The following ZNF385D variants were observed in gnomAD, a reference collection of about 807,000 sequenced individuals.
ZNF385D encodes the protein zinc finger protein 385D.
In ZNF385D, 15 loss-of-function variants were observed where a neutral mutation model predicts 35.8. That is an observed-to-expected ratio of 0.42 (90% CI 0.28 to 0.64). ZNF385D has a LOEUF of 0.64. ZNF385D is among the 30% of genes least tolerant of loss of function. The pLI is 0.23. For missense variants in ZNF385D, 474 were observed against 494.6 expected (o/e 0.96, Z 0.39); for synonymous variants, 212 against 186.8 (o/e 1.13, Z -1.10).
intron 2 of ZNF385D, among the ~76,000 whole-genome samples, chr3:21,583,225 A>G (rs953398138): frequency 6.6e-6 from 1 of 152,178 alleles, no homozygotes; most frequent in African/African-American, 2.4e-5. Context: ...CACTCTTTTC[A>G]TGGCCCAAAG....
intron 3 of ZNF385D, among the ~76,000 whole-genome samples, chr3:22,143,343 C>A (rs991038641): frequency 6.6e-6 from 1 of 152,048 alleles, no homozygotes; most frequent in Non-Finnish European, 1.5e-5. Flanking sequence ...CTCGGCCTCC[C>A]AAAGCGCTAG....
At chr3:21,755,260 A>G (rs59511233), upstream of ZNF385D, among the ~76,000 whole-genome samples, 17,141 of 152,158 alleles carry the variant, frequency 0.11, 1,398 homozygotes, top group East Asian at 0.41. Flanking sequence ...CCCATGTCCA[A>G]TTCATTCTCC....
At chr3:22,269,800 C>T (rs1439474190) in intron 2 of ZNF385D, among the ~76,000 whole-genome samples, 1 of 151,692 alleles carries the variant, frequency 6.6e-6, no homozygotes, top group Non-Finnish European at 1.5e-5. Context: ...TTCTTTAATC[C>T]TCTGCTTGTC....
At chr3:21,430,885 C>T (rs1480965931) in intron 5 of ZNF385D, among the ~76,000 whole-genome samples, 1 of 152,128 alleles carries the variant, frequency 6.6e-6, no homozygotes, top group Non-Finnish European at 1.5e-5. Context: ...ATAATTGCAA[C>T]ATAATGCTGT....
At chr3:22,177,859 T>G (rs1226373411) in intron 2 of ZNF385D, among the ~76,000 whole-genome samples, 1 of 152,186 alleles carries the variant, frequency 6.6e-6, no homozygotes, top group African/African-American at 2.4e-5. Context: ...TTGTGATAGT[T>G]TGCTGAGAAT....
chr3:22,172,994 T>A (rs545993620), intron 2 of ZNF385D, among the ~76,000 whole-genome samples: 1 of 152,338 alleles, frequency 6.6e-6, no homozygotes, highest in East Asian at 1.9e-4. Context: ...TTCAGCCACA[T>A]CAAGTTTCAC....
chr3:22,181,909 T>C (rs1695306398), intron 2 of ZNF385D, among the ~76,000 whole-genome samples: 1 of 152,168 alleles, frequency 6.6e-6, no homozygotes, highest in Admixed American at 6.5e-5. Context: ...AAGAGGATCA[T>C]GTGGCAAGGA....
At chr3:22,111,223 G>A (rs1384224469) in intron 3 of ZNF385D, among the ~76,000 whole-genome samples, 1 of 129,290 alleles carries the variant, frequency 7.7e-6, no homozygotes, top group Non-Finnish European at 1.6e-5. Context: ...TCCAAATTTG[G>A]AAAGCATCTA....
intron 3 of ZNF385D, among the ~76,000 whole-genome samples, chr3:21,555,046 T>G (rs1343447459): frequency 6.6e-6 from 1 of 152,162 alleles, no homozygotes; most frequent in East Asian, 1.9e-4. Context: ...TCAAGAACTT[T>G]TATTTTACAG....
chr3:21,511,702 C>T (rs772108815), intron 3 of ZNF385D: 1 of 456,540 alleles, frequency 2.2e-6, no homozygotes, highest in South Asian at 1.5e-5. Flanking sequence ...TGTTGGGAGG[C>T]TCCAGTGTGT....
intron 3 of ZNF385D, among the ~76,000 whole-genome samples, chr3:22,065,954 G>A (rs1343234990): frequency 1.3e-5 from 2 of 152,000 alleles, no homozygotes; most frequent in Non-Finnish European, 2.9e-5. Flanking sequence ...CAGTATCTGA[G>A]GCTCAGTTTT....
At chr3:21,863,823 T>G (rs1697185996) in intron 3 of ZNF385D, among the ~76,000 whole-genome samples, 2 of 152,170 alleles carry the variant, frequency 1.3e-5, no homozygotes. Context: ...TATCTGTGCA[T>G]GCAGAGGGAA....
intron 4 of ZNF385D, among the ~76,000 whole-genome samples, chr3:21,452,111 T>C (rs1220151264): frequency 6.6e-6 from 1 of 152,090 alleles, no homozygotes; most frequent in African/African-American, 2.4e-5. Context: ...CAGTTTTGTG[T>C]AGCAATATCA....
At chr3:22,164,782 G>A (rs145832589) in intron 3 of ZNF385D, among the ~76,000 whole-genome samples, 1 of 152,052 alleles carries the variant, frequency 6.6e-6, no homozygotes, top group African/African-American at 2.4e-5. Context: ...GCTGTGTTAT[G>A]GGAAACAAAG....
intron 3 of ZNF385D, among the ~76,000 whole-genome samples, chr3:22,072,637 G>C (rs1305259418): frequency 6.6e-6 from 1 of 151,776 alleles, no homozygotes; most frequent in Non-Finnish European, 1.5e-5. Flanking sequence ...TCAAAGGAAA[G>C]AATGCTAGAT....
rs774218666 is a variant in ZNF385D, at chr3:21,412,830, CTG to C, written c.*8382_*8383del. ...AGTACAGGACCACAGACAAGATAAA[CTG>C]TGCTATATTTTACATTTCTGAGTCA... On this transcript the variant is annotated 3_prime_UTR_variant, in exon 8 of 8. Transcript: ENST00000281523. 2 of 151,984 alleles carry C rather than the reference CTG, an allele frequency of 1.3e-5. No homozygotes were observed. Among genetic ancestry groups the C allele is most frequent in the African/African-American group, 2.4e-5 (1 of 41,390 alleles). 9.4% of individuals were successfully genotyped at this position (151,984 alleles called of 1,614,324 possible). A position where few individuals can be genotyped will look rare whatever the true frequency, so the allele number is the denominator to read the frequency against.
At chr3:22,072,767 G>A (rs75274028) in intron 3 of ZNF385D, among the ~76,000 whole-genome samples, 9,713 of 151,854 alleles carry the variant, frequency 0.064, 410 homozygotes, top group East Asian at 0.11. Flanking sequence ...TGAAGGTTGG[G>A]AGAAGGAAGG....
In ZNF385D at chr3:21,718,487, G is replaced by A. The variant is rs551974916; in HGVS notation, c.22+32408C>T. On this transcript the variant is annotated intron_variant, in intron 1 of 7. Coordinates refer to ENST00000281523, the MANE Select transcript of ZNF385D (RefSeq NM_024697.3). ...CAGTATTTATCTAAGCACTTACTACGTGCCCGGATATTTGCTAAGAACTTT... is the reference window on the plus strand; with the variant it reads ...CAGTATTTATCTAAGCACTTACTACATGCCCGGATATTTGCTAAGAACTTT... 3.9e-5 allele frequency among the ~76,000 whole-genome samples: 6 copies of A among 152,274 alleles called. No individual in the cohort carries two copies. The South Asian group carries it at 8.3e-4, about 21-fold the overall frequency.
chr3:21,523,681 T>C (rs1035555773), intron 3 of ZNF385D, among the ~76,000 whole-genome samples: 7 of 152,114 alleles, frequency 4.6e-5, no homozygotes, highest in Admixed American at 1.3e-4. Flanking sequence ...ACAAAGCAGG[T>C]GATGGGGAAA....
Sources: gnomAD v4.1 joint callset for allele counts (sites outside exome capture counted in the v4.1 genomes callset) on GRCh38, gnomAD v4.1.1 for gene constraint, MANE v1.5 for transcripts, NCBI Gene and HGNC (gene_info 2026-07-23, HGNC 2026-07-21) for gene names.